The following ST18 variants were observed in gnomAD, a reference collection of about 807,000 sequenced individuals.
The protein encoded by ST18 is suppression of tumorigenicity 18 protein.
ST18 carries 50 observed loss-of-function variants against 110.0 expected under a neutral mutation model. The ratio of observed to expected loss-of-function variants is 0.45; its 90% CI spans 0.36 to 0.58. The LOEUF is 0.58. Among genes scored for constraint, ST18 ranks in the 20% least tolerant of loss-of-function variants. The probability of loss-of-function intolerance (pLI) is 0.00; values close to 1 mark genes in which losing one functional copy is unlikely to be tolerated. For missense variants in ST18, 1,306 were observed against 1,280.1 expected (o/e 1.02, Z -0.31); for synonymous variants, 461 against 452.4 (o/e 1.02, Z -0.24).
chr8:52,316,642 C>T (rs1018530839), intron 2 of ST18, among the ~76,000 whole-genome samples: 5 of 152,158 alleles, frequency 3.3e-5, no homozygotes, highest in African/African-American at 9.7e-5. Context: ...GTAGTCTCCC[C>T]ATCCTCACAT....
intron 2 of ST18, among the ~76,000 whole-genome samples, chr8:52,400,143 C>T (rs1402375619): frequency 1.3e-5 from 2 of 151,962 alleles, no homozygotes; most frequent in Non-Finnish European, 2.9e-5. Context: ...ATAGGTTAGC[C>T]CTTTTACCAT....
chr8:52,119,574 T>C (rs1466179131), intron 23 of ST18, among the ~76,000 whole-genome samples: 2 of 152,150 alleles, frequency 1.3e-5, no homozygotes, highest in Non-Finnish European at 2.9e-5. Flanking sequence ...ATGCTCACAT[T>C]CTCTATGACC....
At chr8:52,328,779 A>C (rs1807714841) in intron 2 of ST18, among the ~76,000 whole-genome samples, 1 of 152,226 alleles carries the variant, frequency 6.6e-6, no homozygotes. Context: ...TTTCCAATAA[A>C]AAAAATACCA....
chr8:52,256,563 G>C (rs2094535390), intron 2 of ST18, among the ~76,000 whole-genome samples: 1 of 152,116 alleles, frequency 6.6e-6, no homozygotes, highest in African/African-American at 2.4e-5. Flanking sequence ...AGAGTGTACA[G>C]AGAACTTAAT....
chr8:52,357,704 T>A (rs1319796448), intron 2 of ST18, among the ~76,000 whole-genome samples: 1 of 113,904 alleles, frequency 8.8e-6, no homozygotes, highest in Non-Finnish European at 1.8e-5. Context: ...TATATATATA[T>A]ATATATATAT....
intron 2 of ST18, among the ~76,000 whole-genome samples, chr8:52,303,037 AAG>A (rs2095754513): frequency 6.6e-6 from 1 of 152,214 alleles, no homozygotes; most frequent in South Asian, 2.1e-4. Flanking sequence ...AAAGGAAAAA[AAG>A]AGTAACGTTA....
chr8:52,262,703 C>G (rs11786182), intron 2 of ST18, among the ~76,000 whole-genome samples: 1 of 152,192 alleles, frequency 6.6e-6, no homozygotes, highest in East Asian at 1.9e-4. Flanking sequence ...TCTTTTTCAC[C>G]TGTAAGATTA....
intron 8 of ST18, among the ~76,000 whole-genome samples, chr8:52,182,780 A>G (rs1389148246): frequency 2.0e-5 from 3 of 152,190 alleles, no homozygotes; most frequent in African/African-American, 7.2e-5. Context: ...CTCATGCTGC[A>G]TGTTCCATAA....
At chr8:52,333,294 T>G (rs1397836913) in intron 2 of ST18, among the ~76,000 whole-genome samples, 3 of 143,838 alleles carry the variant, frequency 2.1e-5, no homozygotes, top group Non-Finnish European at 3.0e-5. Flanking sequence ...GCATAGCATT[T>G]TCTATTAAAA....
At position 52,336,852 on chromosome 8, in the gene ST18, C is replaced by T. The variant is rs191687041; in HGVS notation, c.-465+72476G>A. ...CTTTCTGACACTCCAGCGTGGTGTA[C>T]GCAGGTGGGGGTTGTAAGCCCTGAG... On this transcript the variant is annotated intron_variant, in intron 2 of 25. Transcript: ENST00000689386. 2.0e-4 allele frequency among the ~76,000 whole-genome samples: 30 copies of T among 152,314 alleles called. 1 individual carries two copies. Among genetic ancestry groups the T allele is most frequent in the South Asian group, 1.9e-3 (9 of 4,824 alleles).
chr8:52,172,136 T>G lies in ST18; in HGVS notation c.725A>C (p.Lys242Thr). 6.2e-7 allele frequency: 1 copy of G among 1,614,218 alleles called. No homozygotes were observed. Among genetic ancestry groups the G allele is most frequent in the Non-Finnish European group, 8.5e-7 (1 of 1,180,052 alleles). The change falls in exon 10 of 26, where the codon AAA (lysine) becomes ACA (threonine). Residue 242 changes from lysine (K) to threonine (T), a missense_variant. By Grantham distance (78) the Lys-to-Thr change is moderately conservative (BLOSUM62 -1). Transcript: ENST00000689386. The part of the protein sequence containing the change: ...EVPEIKTEGD[K>T]FIPCENRCDS... ...ACACCTGTTCTCACAAGGGATAAAT[T>G]TGTCACCTTCAGTTTTTATTTCAGG...
intron 2 of ST18, among the ~76,000 whole-genome samples, chr8:52,288,379 T>G (rs573597323): frequency 6.6e-6 from 1 of 152,120 alleles, no homozygotes; most frequent in Non-Finnish European, 1.5e-5. Flanking sequence ...AAGAAGAAAT[T>G]CAGGTAATCA....
In ST18 at chr8:52,118,408, T is replaced by A; in HGVS notation, c.2789A>T (p.Asp930Val). 6.2e-7 allele frequency: 1 copy of A among 1,611,658 alleles called. No homozygotes were observed. Among genetic ancestry groups the A allele is most frequent in the East Asian group, 2.2e-5 (1 of 44,760 alleles). ...TTCATTCAGTTCCTTTATTTCTTCA[T>A]CCAAATGCCTAATTTCTTCATCACT... ...IESDEEIRHL[D>V]EEIKELNESN... Residue 930 changes from aspartate (D) to valine (V), a missense_variant, in exon 24 of 26, where the codon GAT (aspartate) becomes GTT (valine). Coordinates refer to ENST00000689386, the MANE Select transcript of ST18 (RefSeq NM_001352837.2).
intron 2 of ST18, among the ~76,000 whole-genome samples, chr8:52,246,259 A>T (rs964930563): frequency 6.6e-6 from 1 of 152,046 alleles, no homozygotes; most frequent in Non-Finnish European, 1.5e-5. Context: ...GGGAAAACTT[A>T]AACCAAATTC....
At chr8:52,267,930 G>A (rs749796837) in intron 2 of ST18, among the ~76,000 whole-genome samples, 13 of 152,228 alleles carry the variant, frequency 8.5e-5, no homozygotes, top group Non-Finnish European at 1.5e-4. Flanking sequence ...TAGGGCAGAC[G>A]TCTGAGATCA....
chr8:52,133,028 G>T lies in ST18; in HGVS notation c.2444+29C>A, dbSNP rs201099995. ...CCCATTTTACCAACAAGAGACAGCT[G>T]ACCCCCATGTCTCAACTGTTGCACT... On this transcript the variant is annotated intron_variant, in intron 21 of 25. Coordinates refer to ENST00000689386, the MANE Select transcript of ST18 (RefSeq NM_001352837.2). 4.3e-5 allele frequency: 69 copies of T among 1,611,740 alleles called. 1 individual carries two copies. The South Asian group carries it at 5.8e-4, about 14-fold the overall frequency.
At position 52,385,597 on chromosome 8, in the gene ST18, CAAAAAAA is replaced by C. The variant is rs60332637; in HGVS notation, c.-465+23724_-465+23730del. ...CCTGGGCGACAGCAAGACTCCGACTCAAAAAAAAAAAAAAAAAGACATCACAGCTTGG... is the reference window on the plus strand; with the variant it reads ...CCTGGGCGACAGCAAGACTCCGACTCAAAAAAAAAAGACATCACAGCTTGG... On this transcript the variant is annotated intron_variant, in intron 2 of 25. Coordinates refer to ENST00000689386, the MANE Select transcript of ST18 (RefSeq NM_001352837.2). Among the ~76,000 whole-genome samples the C allele has an allele frequency of 2.6e-5, 3 of 116,756 alleles. No individual in the cohort carries two copies. In the Admixed American group the frequency reaches 2.6e-4, roughly 10 times the overall value. The allele number at this position is 116,756 out of a possible 152,430, so 76.6% of individuals were successfully genotyped here.
intron 15 of ST18, 64 bp downstream of exon 15, chr8:52,158,834 G>C: frequency 6.4e-7 from 1 of 1,570,458 alleles, no homozygotes; most frequent in Non-Finnish European, 8.8e-7. Flanking sequence ...TTAGGAACAT[G>C]AAAGGCAGTT....
chr8:52,173,288 C>T (rs115435199), intron 9 of ST18, among the ~76,000 whole-genome samples: 2 of 152,206 alleles, frequency 1.3e-5, no homozygotes, highest in Non-Finnish European at 2.9e-5. Context: ...TGGTCCATTA[C>T]TTGCATGCAC....
Sources: allele counts gnomAD v4.1 joint callset (sites outside exome capture counted in the v4.1 genomes callset), GRCh38; gene constraint gnomAD v4.1.1; transcripts MANE v1.5; gene names NCBI Gene and HGNC (gene_info 2026-07-23, HGNC 2026-07-21).